The following ANKRD36 variants were observed in gnomAD, a reference collection of about 807,000 sequenced individuals.
ANKRD36 encodes ankyrin repeat domain-containing protein 36A.
In ANKRD36, 179 loss-of-function variants were observed where a neutral mutation model predicts 278.1. The observed-to-expected ratio is 0.64, with a 90% CI of 0.57 to 0.73. The LOEUF (loss-of-function observed/expected upper bound fraction) is 0.73. Ranked by LOEUF, ANKRD36 falls within the 30% of genes least tolerant of loss-of-function variation. The pLI is 0.00. For synonymous variants in ANKRD36, 320 were observed against 641.1 expected, an observed-to-expected ratio of 0.50 and a Z score of 7.57; for missense variants, 1,159 against 1,956.7, an observed-to-expected ratio of 0.59 and a Z score of 7.69.
chr2:97,121,743 C>T (rs1229458881), intron 3 of ANKRD36, among the ~76,000 whole-genome samples: 3 of 151,702 alleles, frequency 2.0e-5, no homozygotes, highest in Admixed American at 6.6e-5. Context: ...ATTGATAAGC[C>T]ATTGTATTTT....
At chr2:97,122,192 G>A (rs2037075035) in intron 3 of ANKRD36, among the ~76,000 whole-genome samples, 1 of 88,978 alleles carries the variant, frequency 1.1e-5, no homozygotes, top group African/African-American at 2.8e-5. Flanking sequence ...ATCACCCAGA[G>A]GAAACCTCTA....
At chr2:97,131,067 A>G (rs2040016495) in intron 6 of ANKRD36, among the ~76,000 whole-genome samples, 1 of 152,110 alleles carries the variant, frequency 6.6e-6, no homozygotes, top group Non-Finnish European at 1.5e-5. Context: ...TTCAAACTTG[A>G]CATAGTTTTA....
chr2:97,186,582 G>A (rs1299400931), intron 30 of ANKRD36, among the ~76,000 whole-genome samples: 1 of 151,346 alleles, frequency 6.6e-6, no homozygotes, highest in Non-Finnish European at 1.5e-5. Context: ...AGAGAATACA[G>A]GAAACTTAGG....
At chr2:97,191,974 T>C (rs981898968) in intron 36 of ANKRD36, among the ~76,000 whole-genome samples, 13 of 151,758 alleles carry the variant, frequency 8.6e-5, no homozygotes, top group African/African-American at 3.1e-4. Flanking sequence ...TTAATGAAAC[T>C]TCTTTAGAGA....
intron 6 of ANKRD36, among the ~76,000 whole-genome samples, chr2:97,140,845 G>A (rs1203157728): frequency 1.3e-5 from 2 of 151,974 alleles, no homozygotes; most frequent in African/African-American, 4.8e-5. Context: ...AAGAGTGTAT[G>A]TCAAATTAGG....
chr2:97,226,975 A>T lies in ANKRD36; in HGVS notation c.3951+2096A>T, dbSNP rs1339862977. Among the ~76,000 whole-genome samples, 5 of 152,124 alleles carry T rather than the reference A, an allele frequency of 3.3e-5. No homozygotes were observed. In the East Asian group the frequency reaches 9.9e-4, roughly 30 times the overall value. ...ATTTCTGATGGCTCTGTTCTGTTCC[A>T]TTGGTCTATATCTCTGTTTTGGTAC... is the stretch of plus-strand genomic sequence containing the variant. On this transcript the variant is annotated intron_variant, in intron 67 of 75. Transcript: ENST00000420699.
Position 97,184,738 on chromosome 2 carries a change from A to G in ANKRD36, c.1940-578A>G, listed in dbSNP as rs192205629. On this transcript the variant is annotated intron_variant, in intron 28 of 75. Transcript: ENST00000420699. ...AAATGTAGGCAGATTATTCCACCAC[A>G]TGTGTATGATAAATAATGAATACTA... Among the ~76,000 whole-genome samples, 43 of 151,844 alleles carry G rather than the reference A, an allele frequency of 2.8e-4. 2 individuals are homozygous for G. The East Asian group carries it at 8.4e-3, about 30-fold the overall frequency.
rs533268338 is a variant in ANKRD36, at chr2:97,132,703, A to T, written c.799+5569A>T. Reference sequence around the variant, plus strand: ...TTGGAAGGACTCAGCAAACAGTGCTACTCTGGGCTTTGATTTGTTACAGTG... The same window carrying T: ...TTGGAAGGACTCAGCAAACAGTGCTTCTCTGGGCTTTGATTTGTTACAGTG... On this transcript the variant is annotated intron_variant, in intron 6 of 75. Transcript: ENST00000420699. 4.9e-3 allele frequency among the ~76,000 whole-genome samples: 752 copies of T among 152,174 alleles called. 5 individuals carry two copies. The highest frequency in any genetic ancestry group is 0.017 in the African/African-American group (711 of 41,536).
chr2:97,158,071 G>C (rs1408809637), intron 15 of ANKRD36, 36 bp from the exon 16 acceptor site: 10 of 1,398,330 alleles, frequency 7.2e-6, no homozygotes, highest in Non-Finnish European at 9.7e-6. Context: ...ATTTTAACTT[G>C]CTGCATGTTA....
At chr2:97,115,125 C>T (rs1385145856) in intron 1 of ANKRD36, among the ~76,000 whole-genome samples, 4 of 152,126 alleles carry the variant, frequency 2.6e-5, no homozygotes, top group Admixed American at 1.3e-4. Flanking sequence ...TGGCGAAAGC[C>T]GCAATTGCCT....
At chr2:97,121,601 G>A (rs1212127845) in intron 3 of ANKRD36, among the ~76,000 whole-genome samples, 1 of 151,950 alleles carries the variant, frequency 6.6e-6, no homozygotes, top group Non-Finnish European at 1.5e-5. Context: ...AGCCAAGATG[G>A]CACCACTGCA....
chr2:97,195,896 T>C (rs113809357), intron 40 of ANKRD36, among the ~76,000 whole-genome samples: 2 of 151,930 alleles, frequency 1.3e-5, no homozygotes, highest in Admixed American at 1.3e-4. Flanking sequence ...TGATAATTGA[T>C]GACATTTTTA....
At chr2:97,210,115 A>G (rs574358819) in intron 56 of ANKRD36, among the ~76,000 whole-genome samples, 421 of 151,846 alleles carry the variant, frequency 2.8e-3, no homozygotes, top group Non-Finnish European at 4.1e-3. Context: ...GAGCAGCTCA[A>G]GACATAAGGG....
chr2:97,165,046 TA>T lies in ANKRD36; in HGVS notation c.1531+578del, dbSNP rs531948155. 9.8e-5 allele frequency among the ~76,000 whole-genome samples: 15 copies of T among 152,294 alleles called. No individual in the cohort carries two copies. In the East Asian group the frequency reaches 2.5e-3, roughly 25 times the overall value. ...CAATGATTCTGAGCTGTTTTGGCCTTAGAATATTTTCTTCTACTACTATTTA... is the reference window on the plus strand; with the variant it reads ...CAATGATTCTGAGCTGTTTTGGCCTTGAATATTTTCTTCTACTACTATTTA... On this transcript the variant is annotated intron_variant, in intron 20 of 75. Transcript: ENST00000420699.
At chr2:97,148,273 G>A in intron 11 of ANKRD36, among the ~76,000 whole-genome samples, 1 of 152,304 alleles carries the variant, frequency 6.6e-6, no homozygotes, top group Non-Finnish European at 1.5e-5. Context: ...GTATGCTTGG[G>A]GTGGATGACT....
chr2:97,167,975 A>C (rs80017806), intron 22 of ANKRD36, among the ~76,000 whole-genome samples: 6 of 146,950 alleles, frequency 4.1e-5, no homozygotes, highest in Admixed American at 2.1e-4. Context: ...GCTCTAGCTC[A>C]GATGCTTTTC....
chr2:97,208,473 A>C, intron 54 of ANKRD36, among the ~76,000 whole-genome samples: 1 of 146,558 alleles, frequency 6.8e-6, no homozygotes, highest in Non-Finnish European at 1.5e-5. Context: ...ATTGTGAGGC[A>C]GGAAGGTGTG....
chr2:97,205,247 T>A (rs1174728633), intron 50 of ANKRD36, among the ~76,000 whole-genome samples: 1 of 151,656 alleles, frequency 6.6e-6, no homozygotes, highest in Non-Finnish European at 1.5e-5. Context: ...ATTGATGATA[T>A]TTTTATTGAG....
chr2:97,248,168 G>T (rs1316968010), intron 72 of ANKRD36: 1 of 143,854 alleles, frequency 7.0e-6, no homozygotes. Flanking sequence ...TTTTTATTTC[G>T]ATGAAAATCC....
Sources: gnomAD v4.1 joint callset for allele counts (sites outside exome capture counted in the v4.1 genomes callset) on GRCh38, gnomAD v4.1.1 for gene constraint, MANE v1.5 for transcripts, NCBI Gene and HGNC (gene_info 2026-07-23, HGNC 2026-07-21) for gene names.